The following SCAPER variants were observed in gnomAD, a reference collection of about 807,000 sequenced individuals.
SCAPER encodes the protein S phase cyclin A-associated protein in the endoplasmic reticulum.
In SCAPER, 98 loss-of-function variants were observed where a neutral mutation model predicts 182.2. That is an observed-to-expected ratio of 0.54 (90% CI 0.46 to 0.64). The LOEUF (loss-of-function observed/expected upper bound fraction) is 0.64, where lower values mean the gene tolerates loss of function less well. Among genes scored for constraint, SCAPER ranks in the 30% least tolerant of loss-of-function variants. The pLI, the probability that SCAPER is intolerant of heterozygous loss-of-function variation, is 0.00. For missense variants in SCAPER, 1,432 were observed against 1,690.0 expected (o/e 0.85, Z 2.68); for synonymous variants, 605 against 564.6 (o/e 1.07, Z -1.01).
rs775896867 is a variant in SCAPER at position 76,574,245 on chromosome 15, T to G, written c.2751A>C (p.Gln917His). 19 of 1,611,804 alleles carry G rather than the reference T, an allele frequency of 1.2e-5. No homozygotes were observed. Among genetic ancestry groups the G allele is most frequent in the Admixed American group, 6.7e-5 (4 of 59,770 alleles). The change falls in exon 23 of 32, where the codon CAA becomes CAC. Residue 917 changes from glutamine to histidine, a missense_variant. By Grantham distance (24) the Gln-to-His change is conservative (BLOSUM62 0). This residue lies in a region of SCAPER where 718 missense variants were observed against 799.7 expected (regional missense o/e 0.90). Transcript: ENST00000563290. ...TTGCCCATGAGCCACTGTCTTGAAC[T>G]TGTACTTGTTTTAGAAGATCTTTGG... ...RLAKDLLKQVQVQDSGSWANN... is the reference protein window; with the variant it reads ...RLAKDLLKQVHVQDSGSWANN...
chr15:76,359,599 T>G (rs1407395347), intron 29 of SCAPER, among the ~76,000 whole-genome samples: 2 of 152,176 alleles, frequency 1.3e-5, no homozygotes, highest in Admixed American at 6.5e-5. Context: ...TAGGCTGGTG[T>G]TGTGGGCTCC....
In SCAPER at chr15:76,775,195, T is replaced by C; in HGVS notation, c.773-78A>G. The C allele has an allele frequency of 9.8e-6, 13 of 1,325,234 alleles. No homozygotes were observed. The South Asian group carries it at 2.0e-4, about 21-fold the overall frequency. 82.1% of individuals were successfully genotyped at this position (1,325,234 alleles called of 1,614,324 possible). A position where few individuals can be genotyped will look rare whatever the true frequency, so the allele number is the denominator to read the frequency against. On this transcript the variant is annotated intron_variant, in intron 8 of 31. Transcript: ENST00000563290. ...TTTGGAAACTCATAGAATAAAAACA[T>C]TTTCCAATTTAATTCCCAACAAATA...
At chr15:76,573,242 T>G (rs2047575329) in intron 23 of SCAPER, among the ~76,000 whole-genome samples, 1 of 152,186 alleles carries the variant, frequency 6.6e-6, no homozygotes, top group Admixed American at 6.6e-5. Flanking sequence ...GAATCATGAA[T>G]GTGGTAAGAA....
At chr15:76,661,292 C>T (rs1035888966) in intron 21 of SCAPER, among the ~76,000 whole-genome samples, 1 of 152,030 alleles carries the variant, frequency 6.6e-6, no homozygotes, top group Non-Finnish European at 1.5e-5. Context: ...GATGAAATCG[C>T]CAAAAGCAAC....
intron 26 of SCAPER, among the ~76,000 whole-genome samples, chr15:76,409,564 C>G (rs1019474550): frequency 6.6e-6 from 1 of 151,850 alleles, no homozygotes; most frequent in Non-Finnish European, 1.5e-5. Flanking sequence ...CAAGCCCAAA[C>G]TTCACCATTA....
At chr15:76,371,319 CT>C (rs558300032) in intron 29 of SCAPER, among the ~76,000 whole-genome samples, 2,404 of 137,302 alleles carry the variant, frequency 0.018, 31 homozygotes, top group African/African-American at 0.04. Flanking sequence ...CTCTCTCTCT[CT>C]TTTTTTTTTT....
At position 76,519,772 on chromosome 15, in the gene SCAPER, G is replaced by T. The variant is rs577208187; in HGVS notation, c.2839-14798C>A. Among the ~76,000 whole-genome samples the T allele has an allele frequency of 7.9e-5, 12 of 152,264 alleles. No individual in the cohort carries two copies. The East Asian group carries it at 2.3e-3, about 29-fold the overall frequency. ...CTGAATAATCTGCATAAATGTTAGT[G>T]ATGATCATCTTTGAATTCTGTCCCC... On this transcript the variant is annotated intron_variant, in intron 23 of 31. Transcript: ENST00000563290.
At chr15:76,428,455 G>A (rs976226907) in intron 26 of SCAPER, among the ~76,000 whole-genome samples, 8 of 152,126 alleles carry the variant, frequency 5.3e-5, no homozygotes, top group African/African-American at 1.9e-4. Context: ...TTACAACATG[G>A]ATGGACTTGG....
At chr15:76,460,890 C>G (rs1260470013) in intron 25 of SCAPER, among the ~76,000 whole-genome samples, 2 of 152,102 alleles carry the variant, frequency 1.3e-5, no homozygotes, top group African/African-American at 2.4e-5. Flanking sequence ...TACACAACTA[C>G]AGCACAATTA....
chr15:76,525,669 T>A (rs1030024918), intron 23 of SCAPER, among the ~76,000 whole-genome samples: 3 of 152,184 alleles, frequency 2.0e-5, no homozygotes, highest in African/African-American at 7.2e-5. Context: ...GGCCTTCATG[T>A]TGTTGCAAAG....
intron 17 of SCAPER, among the ~76,000 whole-genome samples, chr15:76,722,227 G>A (rs1367898951): frequency 3.3e-5 from 5 of 152,242 alleles, no homozygotes; most frequent in South Asian, 2.1e-4. Context: ...GCTGGATTAC[G>A]TTTATTGATT....
Position 76,703,014 on chromosome 15 carries a change from G to C in SCAPER, c.2248-12C>G. ...ATACTTTCATCATGCTGTAGATGAAGTCAAAGTGCAAGAATTTCAAAAATT... is the reference window on the plus strand; with the variant it reads ...ATACTTTCATCATGCTGTAGATGAACTCAAAGTGCAAGAATTTCAAAAATT... On this transcript the variant is annotated splice_polypyrimidine_tract_variant and intron_variant, in intron 18 of 31. Transcript: ENST00000563290. The C allele has an allele frequency of 6.6e-7, 1 of 1,521,752 alleles. No homozygotes were observed. The highest frequency in any genetic ancestry group is 8.8e-7 in the Non-Finnish European group (1 of 1,139,234). The allele number at this position is 1,521,752 out of a possible 1,614,324, so 94.3% of individuals were successfully genotyped here. A position where few individuals can be genotyped will look rare whatever the true frequency, so the allele number is the denominator to read the frequency against.
chr15:76,502,570 C>T (rs1386701022), intron 24 of SCAPER, among the ~76,000 whole-genome samples: 1 of 109,000 alleles, frequency 9.2e-6, no homozygotes, highest in South Asian at 3.4e-4. Flanking sequence ...CGGGGCCTGT[C>T]GTGGGGTGGG....
intron 17 of SCAPER, among the ~76,000 whole-genome samples, chr15:76,721,413 T>C (rs2060233756): frequency 6.6e-6 from 1 of 151,944 alleles, no homozygotes; most frequent in Admixed American, 6.6e-5. Context: ...ATGCGGGCTC[T>C]TTTTTGGTTC....
chr15:76,630,052 G>A (rs745973775), intron 21 of SCAPER, among the ~76,000 whole-genome samples: 3 of 152,094 alleles, frequency 2.0e-5, no homozygotes, highest in Non-Finnish European at 4.4e-5. Flanking sequence ...CTTGCATAGA[G>A]GTATTTATAG....
At chr15:76,741,154 T>C (rs2061518145) in intron 15 of SCAPER, among the ~76,000 whole-genome samples, 1 of 152,136 alleles carries the variant, frequency 6.6e-6, no homozygotes, top group Non-Finnish European at 1.5e-5. Flanking sequence ...TACATCTTAC[T>C]ACGAAGTATC....
rs10569185 is a variant in SCAPER at position 76,680,411 on chromosome 15, G to GATAATA, written c.2509-14628_2509-14623dup. 3.9e-3 allele frequency among the ~76,000 whole-genome samples: 556 copies of GATAATA among 142,572 alleles called. 4 individuals are homozygous for GATAATA. The highest frequency in any genetic ancestry group is 9.1e-3 in the African/African-American group (349 of 38,210). 93.5% of individuals were successfully genotyped at this position (142,572 alleles called of 152,430 possible). On this transcript the variant is annotated intron_variant, in intron 20 of 31. Transcript: ENST00000563290. ...TAGGTCATTTCATGATGATGATGAT[G>GATAATA]ATAATAATAATAATAATAATAATAA...
chr15:76,525,924 A>G (rs1473917745), intron 23 of SCAPER, among the ~76,000 whole-genome samples: 1 of 152,322 alleles, frequency 6.6e-6, no homozygotes, highest in Admixed American at 6.5e-5. Flanking sequence ...AAGTTCTTCA[A>G]GAAATCTCCA....
intron 1 of SCAPER, among the ~76,000 whole-genome samples, chr15:76,891,377 A>T (rs1031416537): frequency 1.3e-5 from 2 of 152,200 alleles, no homozygotes; most frequent in African/African-American, 4.8e-5. Context: ...AGGAAGTCAA[A>T]TTGTCCCTGC....
Sources: gnomAD v4.1 joint callset for allele counts (sites outside exome capture counted in the v4.1 genomes callset) on GRCh38, gnomAD v4.1.1 for gene constraint, gnomAD v4.1.1 regional missense constraint, MANE v1.5 for transcripts, NCBI Gene and HGNC (gene_info 2026-07-23, HGNC 2026-07-21) for gene names.